PIAS1: variants seen among roughly 807,000 people sequenced by gnomAD.
The protein encoded by PIAS1 is E3 SUMO-protein ligase PIAS1.
In PIAS1, 6 loss-of-function variants were observed where a neutral mutation model predicts 71.3. The ratio of observed to expected loss-of-function variants is 0.08; its 90% CI spans 0.05 to 0.17. PIAS1 has a LOEUF of 0.17. PIAS1 is among the 10% of genes least tolerant of loss of function. The pLI is 1.00. For missense variants in PIAS1, 555 were observed against 793.6 expected, an observed-to-expected ratio of 0.70 and a Z score of 3.61; for synonymous variants, 303 against 292.9, an observed-to-expected ratio of 1.03 and a Z score of -0.35.
chr15:68,083,353 T>C (rs2092247053), intron 1 of PIAS1, among the ~76,000 whole-genome samples: 1 of 152,152 alleles, frequency 6.6e-6, no homozygotes, highest in Non-Finnish European at 1.5e-5. Context: ...TTTTAAAAAA[T>C]ACTGCATGCT....
Position 68,161,296 on chromosome 15 carries a change from A to T in PIAS1, c.935-3435A>T, listed in dbSNP as rs144299528. 8.3e-4 allele frequency among the ~76,000 whole-genome samples: 127 copies of T among 152,320 alleles called. 3 individuals are homozygous for T. In the East Asian group the frequency reaches 0.021, roughly 25 times the overall value. On this transcript the variant is annotated intron_variant, in intron 7 of 13. Coordinates refer to ENST00000249636, the MANE Select transcript of PIAS1 (RefSeq NM_016166.3). Reference sequence around the variant, plus strand: ...ACAAAGCATGGTTGAGAAAAACTGAAAGAAGACCTGCATAAACGGAGAGAT... The same window carrying T: ...ACAAAGCATGGTTGAGAAAAACTGATAGAAGACCTGCATAAACGGAGAGAT...
rs1414682961 is a variant in PIAS1, at chr15:68,088,065, GT to G, written c.469+1318del. Among the ~76,000 whole-genome samples the G allele has an allele frequency of 4.0e-5, 6 of 150,656 alleles. No homozygotes were observed. The South Asian group carries it at 1.3e-3, about 32-fold the overall frequency. On this transcript the variant is annotated intron_variant, in intron 2 of 13. Transcript: ENST00000249636. ...TATGCATATATAGTATAAGCAAATT[GT>G]TTCTTGTTTTTTACAGAAGGAATCA...
At chr15:68,059,654 C>T (rs919787898) in intron 1 of PIAS1, among the ~76,000 whole-genome samples, 1 of 139,512 alleles carries the variant, frequency 7.2e-6, no homozygotes, top group Non-Finnish European at 1.5e-5. Flanking sequence ...GAGGTTGCAG[C>T]GAGATTGCGC....
At chr15:68,074,131 T>C (rs1278707220) in intron 1 of PIAS1, among the ~76,000 whole-genome samples, 2 of 152,114 alleles carry the variant, frequency 1.3e-5, no homozygotes, top group Non-Finnish European at 2.9e-5. Context: ...GATTTGGAGT[T>C]TAGGAGACCA....
intron 8 of PIAS1, among the ~76,000 whole-genome samples, chr15:68,169,436 G>A (rs2092976810): frequency 6.6e-6 from 1 of 152,174 alleles, no homozygotes; most frequent in South Asian, 2.1e-4. Flanking sequence ...CACTTTGGGA[G>A]GCCAAGGTGT....
chr15:68,068,011 T>A (rs1383705240), intron 1 of PIAS1, among the ~76,000 whole-genome samples: 2 of 152,184 alleles, frequency 1.3e-5, no homozygotes, highest in Non-Finnish European at 2.9e-5. Context: ...ATTTCCAAAT[T>A]TACTGTAGCA....
chr15:68,089,446 T>C (rs1418775235), intron 2 of PIAS1, among the ~76,000 whole-genome samples: 1 of 152,252 alleles, frequency 6.6e-6, no homozygotes, highest in East Asian at 1.9e-4. Flanking sequence ...ATGCTTTTTT[T>C]CTTTAACCTT....
At chr15:68,100,874 T>G (rs1195679688) in intron 2 of PIAS1, among the ~76,000 whole-genome samples, 1 of 144,390 alleles carries the variant, frequency 6.9e-6, no homozygotes, top group Non-Finnish European at 1.5e-5. Context: ...TGATATCTCA[T>G]TGTGTTTTGT....
chr15:68,101,138 G>A (rs1245893064), intron 2 of PIAS1, among the ~76,000 whole-genome samples: 1 of 152,046 alleles, frequency 6.6e-6, no homozygotes, highest in African/African-American at 2.4e-5. Context: ...GGAGTCAAGT[G>A]ATCTTCTCCC....
At position 68,178,163 on chromosome 15, in the gene PIAS1, G is replaced by A. The variant is rs746451705; in HGVS notation, c.1481+1509G>A. Among the ~76,000 whole-genome samples, 3 of 152,156 alleles carry A rather than the reference G, an allele frequency of 2.0e-5. No individual in the cohort carries two copies. The highest frequency in any genetic ancestry group is 2.9e-5 in the Non-Finnish European group (2 of 68,038). On this transcript the variant is annotated intron_variant, in intron 11 of 13. Transcript: ENST00000249636. The surrounding 1 kb of genome is among the most constrained non-coding windows in gnomAD (Gnocchi z 4.2). ...TGTGTGCCTGTTGTCCCAACTACTC[G>A]GAGGGCTGATGGGGGAGGATCACTT...
rs371939922 is a variant in PIAS1 at position 68,161,895 on chromosome 15, C to T, written c.935-2836C>T. On this transcript the variant is annotated intron_variant, in intron 7 of 13. Transcript: ENST00000249636. ...CAGTCAACCAAGATCTCACCACTGACTCCAGCCTGGGTGACAGAGTGAGAC... is the reference window on the plus strand; with the variant it reads ...CAGTCAACCAAGATCTCACCACTGATTCCAGCCTGGGTGACAGAGTGAGAC... 1.4e-4 allele frequency among the ~76,000 whole-genome samples: 20 copies of T among 145,478 alleles called. No homozygotes were observed. In the East Asian group the frequency reaches 2.3e-3, roughly 17 times the overall value.
intron 8 of PIAS1, among the ~76,000 whole-genome samples, chr15:68,168,747 G>T (rs532870882): frequency 1.3e-5 from 2 of 152,248 alleles, no homozygotes; most frequent in African/African-American, 4.8e-5. Flanking sequence ...CATTTGTGTG[G>T]CAGCTAATAA....
chr15:68,116,639 T>C (rs746888793), intron 2 of PIAS1, among the ~76,000 whole-genome samples: 9 of 152,132 alleles, frequency 5.9e-5, no homozygotes, highest in Non-Finnish European at 1.2e-4. Flanking sequence ...ATTTCTCTTC[T>C]CTTTTTTTAG....
intron 1 of PIAS1, among the ~76,000 whole-genome samples, chr15:68,058,076 C>T (rs1275565511): frequency 6.6e-6 from 1 of 152,088 alleles, no homozygotes; most frequent in Non-Finnish European, 1.5e-5. Context: ...AATTTGTACC[C>T]TTTTTTGCTG....
At chr15:68,164,844 A>C (rs1249769615) in intron 8 of PIAS1, 40 bp downstream of exon 8, 2 of 1,067,188 alleles carry the variant, frequency 1.9e-6, no homozygotes, top group East Asian at 5.0e-5. Context: ...AAAGTTTAAC[A>C]TACATTTTCT....
At chr15:68,109,933 C>G (rs1375006459) in intron 2 of PIAS1, among the ~76,000 whole-genome samples, 2 of 152,162 alleles carry the variant, frequency 1.3e-5, no homozygotes, top group African/African-American at 4.8e-5. Context: ...AGTAGGTGCT[C>G]TTTGACCATG....
At chr15:68,152,511 A>G (rs766699270) in intron 6 of PIAS1, among the ~76,000 whole-genome samples, 2 of 152,184 alleles carry the variant, frequency 1.3e-5, no homozygotes, top group African/African-American at 2.4e-5. Context: ...TCTGTCATCA[A>G]GCAGTTGCCT....
At chr15:68,062,411 A>G (rs1455504834) in intron 1 of PIAS1, among the ~76,000 whole-genome samples, 2 of 152,216 alleles carry the variant, frequency 1.3e-5, no homozygotes, top group African/African-American at 4.8e-5. Context: ...TAAAGTGCAC[A>G]GTCAGGTAGT....
Position 68,080,639 on chromosome 15 carries a change from A to G in PIAS1, c.25-5667A>G, listed in dbSNP as rs184446044. Reference sequence around the variant, plus strand: ...TAGAAATCATCCAAAAGTAAGCCCCATTGAATGAAGAATCTGACTTTGAAA... The same window carrying G: ...TAGAAATCATCCAAAAGTAAGCCCCGTTGAATGAAGAATCTGACTTTGAAA... On this transcript the variant is annotated intron_variant, in intron 1 of 13. Transcript: ENST00000249636. Among the ~76,000 whole-genome samples, 397 of 152,378 alleles carry G rather than the reference A, an allele frequency of 2.6e-3. 2 individuals are homozygous for G. Among genetic ancestry groups the G allele is most frequent in the Non-Finnish European group, 4.2e-3 (289 of 68,026 alleles).
Sources: allele counts gnomAD v4.1 joint callset (sites outside exome capture counted in the v4.1 genomes callset), GRCh38; gene constraint gnomAD v4.1.1; non-coding constraint Gnocchi (gnomAD v3.1); transcripts MANE v1.5; gene names NCBI Gene and HGNC (gene_info 2026-07-23, HGNC 2026-07-21).